MAGI3: variants seen among roughly 807,000 people sequenced by gnomAD.
MAGI3 encodes membrane-associated guanylate kinase, WW and PDZ domain-containing protein 3.
Under a neutral mutation model 121.8 loss-of-function variants are expected in MAGI3, and 43 were observed. The observed-to-expected ratio is 0.35, with a 90% CI of 0.28 to 0.46. The LOEUF is 0.46. MAGI3 is among the 20% of genes least tolerant of loss of function. The pLI is 1.00. For synonymous variants in MAGI3, 553 were observed against 639.3 expected (o/e 0.86, Z 2.04); for missense variants, 1,547 against 1,797.3 (o/e 0.86, Z 2.52).
At chr1:113,474,794 G>C (rs1023669619) in intron 1 of MAGI3, among the ~76,000 whole-genome samples, 58 of 152,334 alleles carry the variant, frequency 3.8e-4, no homozygotes, top group South Asian at 2.1e-4. Flanking sequence ...TTGGTAGCTT[G>C]ATGGGGATGG....
intron 9 of MAGI3, among the ~76,000 whole-genome samples, chr1:113,623,779 G>A (rs189943706): frequency 3.9e-5 from 6 of 152,048 alleles, no homozygotes; most frequent in African/African-American, 7.2e-5. Context: ...GAGCCACACC[G>A]CACCCGGCCT....
chr1:113,508,802 G>A (rs2101607144), intron 1 of MAGI3, among the ~76,000 whole-genome samples: 1 of 152,186 alleles, frequency 6.6e-6, no homozygotes, highest in African/African-American at 2.4e-5. Flanking sequence ...TTACATTGCT[G>A]CTCTCTGCTG....
intron 16 of MAGI3, among the ~76,000 whole-genome samples, chr1:113,663,363 C>G (rs1345494195): frequency 6.6e-6 from 1 of 151,446 alleles, no homozygotes; most frequent in African/African-American, 2.4e-5. Flanking sequence ...GAAATCACTT[C>G]CCATTCTCTC....
intron 1 of MAGI3, among the ~76,000 whole-genome samples, chr1:113,415,322 C>A (rs1158263024): frequency 6.6e-6 from 1 of 152,044 alleles, no homozygotes; most frequent in African/African-American, 2.4e-5. Flanking sequence ...TTAAAACTGG[C>A]AGAAATTACT....
intron 1 of MAGI3, among the ~76,000 whole-genome samples, chr1:113,545,023 G>C (rs370738079): frequency 4.2e-4 from 63 of 148,382 alleles, no homozygotes; most frequent in South Asian, 2.7e-3. Flanking sequence ...ATAATCGTAG[G>C]GTTATTGTCA....
rs1288524342 is a variant in MAGI3 at position 113,391,530 on chromosome 1, G to C, written c.316+181G>C. Among the ~76,000 whole-genome samples, 1 of 152,096 alleles carries C rather than the reference G, an allele frequency of 6.6e-6. No individual in the cohort carries two copies. The highest frequency in any genetic ancestry group is 2.4e-5 in the African/African-American group (1 of 41,430). Reference sequence around the variant, plus strand: ...TTGGTGAGTCCCATTTTGCCGAAGGGAAAACTGAGCTCTGGCTTGGCGCGG... The same window carrying C: ...TTGGTGAGTCCCATTTTGCCGAAGGCAAAACTGAGCTCTGGCTTGGCGCGG... On this transcript the variant is annotated intron_variant, in intron 1 of 20. Transcript: ENST00000307546. This position sits in a 1 kb window ranked among gnomAD's most constrained non-coding sequence, Gnocchi z 4.4.
rs1652232471 is a variant in MAGI3 at position 113,415,145 on chromosome 1, TTTC to T, written c.316+23801_316+23803del. ...TCTTCCCTATAATGTTTTTAGTAGC[TTTC>T]TTCTAAGTGCTTTGCCAGTAGGACC... On this transcript the variant is annotated intron_variant, in intron 1 of 20. Coordinates refer to ENST00000307546, the MANE Select transcript of MAGI3 (RefSeq NM_001142782.2). Among the ~76,000 whole-genome samples the T allele has an allele frequency of 2.0e-5, 3 of 152,218 alleles. No homozygotes were observed. In the South Asian group the frequency reaches 6.2e-4, roughly 32 times the overall value.
chr1:113,556,966 G>A (rs765101071), intron 2 of MAGI3, among the ~76,000 whole-genome samples: 3 of 152,196 alleles, frequency 2.0e-5, no homozygotes, highest in African/African-American at 7.2e-5. Context: ...GCTCACTCAT[G>A]AAGAAATAGG....
chr1:113,598,470 G>A (rs746927121), intron 6 of MAGI3, among the ~76,000 whole-genome samples: 5 of 151,910 alleles, frequency 3.3e-5, no homozygotes, highest in East Asian at 1.9e-4. Flanking sequence ...TAGACTCAAC[G>A]TAAAAGAGTG....
intron 1 of MAGI3, among the ~76,000 whole-genome samples, chr1:113,459,986 A>G (rs998717691): frequency 6.6e-6 from 1 of 152,366 alleles, no homozygotes; most frequent in Non-Finnish European, 1.5e-5. Context: ...ACTTCAGGCC[A>G]GTATCCTTGA....
At chr1:113,486,771 C>T (rs573357755) in intron 1 of MAGI3, among the ~76,000 whole-genome samples, 1 of 151,944 alleles carries the variant, frequency 6.6e-6, no homozygotes, top group South Asian at 2.1e-4. Context: ...CCCATCCCAG[C>T]CTCCTGAGTG....
intron 1 of MAGI3, among the ~76,000 whole-genome samples, chr1:113,405,320 A>G (rs1455709601): frequency 2.6e-5 from 4 of 151,942 alleles, no homozygotes; most frequent in African/African-American, 7.3e-5. Context: ...ACAAAAAAAT[A>G]CAATAAAAGG....
At chr1:113,464,086 A>G (rs1423034572) in intron 1 of MAGI3, among the ~76,000 whole-genome samples, 1 of 152,106 alleles carries the variant, frequency 6.6e-6, no homozygotes, top group East Asian at 1.9e-4. Flanking sequence ...TCTATCAAAG[A>G]GTAGGTCTTA....
intron 1 of MAGI3, among the ~76,000 whole-genome samples, chr1:113,533,044 G>C (rs1328114061): frequency 6.6e-6 from 1 of 152,146 alleles, no homozygotes; most frequent in Non-Finnish European, 1.5e-5. Context: ...CTCGTTACCT[G>C]TGTGCCTTGT....
intron 6 of MAGI3, among the ~76,000 whole-genome samples, chr1:113,595,432 A>G (rs1190356171): frequency 6.6e-6 from 1 of 152,258 alleles, no homozygotes; most frequent in East Asian, 1.9e-4. Flanking sequence ...TTTTTGTATT[A>G]CTAATCAGAA....
chr1:113,431,189 A>G (rs1653282331), intron 1 of MAGI3, among the ~76,000 whole-genome samples: 2 of 152,156 alleles, frequency 1.3e-5, no homozygotes, highest in Non-Finnish European at 2.9e-5. Flanking sequence ...ATGGTGGTGT[A>G]TGCCTATAGT....
intron 1 of MAGI3, among the ~76,000 whole-genome samples, chr1:113,408,407 A>T (rs1298344804): frequency 6.6e-6 from 1 of 152,078 alleles, no homozygotes; most frequent in Non-Finnish European, 1.5e-5. Flanking sequence ...TTTTCCAAGG[A>T]GTGAAAATAA....
intron 2 of MAGI3, among the ~76,000 whole-genome samples, chr1:113,578,841 G>GA (rs571500747): frequency 2.0e-5 from 3 of 150,688 alleles, no homozygotes; most frequent in South Asian, 2.1e-4. Context: ...CTTATTTTTA[G>GA]AAAAAAAAAT....
intron 9 of MAGI3, among the ~76,000 whole-genome samples, chr1:113,626,091 G>C (rs1422784199): frequency 6.6e-6 from 1 of 152,072 alleles, no homozygotes; most frequent in Admixed American, 6.6e-5. Context: ...TCAGCCTCCA[G>C]AGTAGCTGGG....
Sources: gnomAD v4.1 joint callset for allele counts (sites outside exome capture counted in the v4.1 genomes callset) on GRCh38, gnomAD v4.1.1 for gene constraint, Gnocchi (gnomAD v3.1) non-coding constraint, MANE v1.5 for transcripts, NCBI Gene and HGNC (gene_info 2026-07-23, HGNC 2026-07-21) for gene names.